The following SAMD12 variants were observed in gnomAD, a reference collection of about 807,000 sequenced individuals.
SAMD12 encodes the protein sterile alpha motif domain containing 12, also known as sterile alpha motif domain-containing protein 12.
SAMD12 carries 9 observed loss-of-function variants against 15.0 expected under a neutral mutation model. The ratio of observed to expected loss-of-function variants is 0.60; its 90% CI spans 0.36 to 1.05. SAMD12 has a LOEUF of 1.05. Among genes scored for constraint, SAMD12 ranks in the 50% least tolerant of loss-of-function variants. SAMD12 has a pLI of 0.01. For missense variants in SAMD12, 230 were observed against 234.2 expected, an observed-to-expected ratio of 0.98 and a Z score of 0.12; for synonymous variants, 86 against 90.1, an observed-to-expected ratio of 0.96 and a Z score of 0.25.
chr8:118,471,543 G>C (rs994797204), intron 2 of SAMD12, among the ~76,000 whole-genome samples: 1 of 152,080 alleles, frequency 6.6e-6, no homozygotes, highest in Non-Finnish European at 1.5e-5. Flanking sequence ...AAAGAAACTT[G>C]ACAAAAATCC....
intron 4 of SAMD12, among the ~76,000 whole-genome samples, chr8:118,276,934 A>C (rs1368503545): frequency 6.6e-6 from 1 of 152,120 alleles, no homozygotes; most frequent in East Asian, 1.9e-4. Flanking sequence ...CGGCCTCCCA[A>C]AGTGCTGAGA....
intron 4 of SAMD12, among the ~76,000 whole-genome samples, chr8:118,260,681 A>G (rs1813055735): frequency 6.6e-6 from 1 of 152,110 alleles, no homozygotes; most frequent in African/African-American, 2.4e-5. Flanking sequence ...AGAAGGCAGG[A>G]GAAGAGTGAC....
At chr8:118,609,020 A>C (rs552289662) in intron 1 of SAMD12, among the ~76,000 whole-genome samples, 19 of 152,364 alleles carry the variant, frequency 1.2e-4, no homozygotes, top group Middle Eastern at 3.4e-3. Context: ...TAAACTTCTA[A>C]ATAAAGATCC....
chr8:118,366,889 TA>T (rs564404306), intron 4 of SAMD12, among the ~76,000 whole-genome samples: 1 of 89,454 alleles, frequency 1.1e-5, no homozygotes, highest in Non-Finnish European at 2.4e-5. Flanking sequence ...AATAATAAAA[TA>T]AAATAAAATA....
chr8:118,584,574 G>T (rs1361476679), intron 1 of SAMD12, among the ~76,000 whole-genome samples: 1 of 152,096 alleles, frequency 6.6e-6, no homozygotes, highest in Non-Finnish European at 1.5e-5. Context: ...GTCTTTATGG[G>T]AAGTGCTGCT....
chr8:118,549,677 C>A (rs543179323), intron 2 of SAMD12, among the ~76,000 whole-genome samples: 1 of 152,108 alleles, frequency 6.6e-6, no homozygotes, highest in Non-Finnish European at 1.5e-5. Context: ...CAAAGCTGGA[C>A]GGAGAATGAC....
intron 2 of SAMD12, among the ~76,000 whole-genome samples, chr8:118,500,450 T>A (rs1389161713): frequency 1.3e-5 from 2 of 151,624 alleles, no homozygotes; most frequent in African/African-American, 4.8e-5. Context: ...ATTAGAACCA[T>A]GCCTAGGACA....
At chr8:118,360,622 T>C (rs756362976) in intron 4 of SAMD12, among the ~76,000 whole-genome samples, 3 of 152,102 alleles carry the variant, frequency 2.0e-5, no homozygotes, top group Non-Finnish European at 4.4e-5. Flanking sequence ...GTAATGTGTA[T>C]ACAAGGGACC....
At chr8:118,424,015 G>A (rs565212800) in intron 3 of SAMD12, among the ~76,000 whole-genome samples, 10 of 151,916 alleles carry the variant, frequency 6.6e-5, no homozygotes, top group Admixed American at 6.6e-4. Flanking sequence ...GGGAGTATTC[G>A]ATGCTAAGTA....
intron 2 of SAMD12, among the ~76,000 whole-genome samples, chr8:118,505,627 G>A (rs1036317860): frequency 6.6e-6 from 1 of 151,750 alleles, no homozygotes; most frequent in African/African-American, 2.4e-5. Flanking sequence ...AAGACAGAAG[G>A]AGCCTGTGAC....
At chr8:118,488,397 A>G (rs559365507) in intron 2 of SAMD12, among the ~76,000 whole-genome samples, 1 of 152,324 alleles carries the variant, frequency 6.6e-6, no homozygotes, top group South Asian at 2.1e-4. Flanking sequence ...GAAAACAGGA[A>G]GGTGCACTAA....
At chr8:118,214,198 A>G (rs1275533246) in intron 4 of SAMD12, among the ~76,000 whole-genome samples, 1 of 152,226 alleles carries the variant, frequency 6.6e-6, no homozygotes, top group Non-Finnish European at 1.5e-5. Flanking sequence ...GAAACAGAAT[A>G]TCGTGTCGAT....
chr8:118,419,712 G>C (rs1419480716), intron 3 of SAMD12, among the ~76,000 whole-genome samples: 1 of 152,096 alleles, frequency 6.6e-6, no homozygotes, highest in Non-Finnish European at 1.5e-5. Flanking sequence ...GATCATCACT[G>C]TGAATGTATT....
chr8:118,559,022 G>T (rs994261642), intron 2 of SAMD12, among the ~76,000 whole-genome samples: 4 of 152,082 alleles, frequency 2.6e-5, no homozygotes, highest in Non-Finnish European at 5.9e-5. Context: ...TTCAGGGGGA[G>T]AAAAAATGAG....
Position 118,500,945 on chromosome 8 carries a change from G to A in SAMD12, c.193-60984C>T, listed in dbSNP as rs117986422. ...CTCTAGTACATTACAGGGTGTAAGA[G>A]GACAGAGGATCTGGGTACTCACCTC... On this transcript the variant is annotated intron_variant, in intron 2 of 3. Coordinates refer to ENST00000314727, the MANE Select transcript of SAMD12 (RefSeq NM_207506.3). 7.9e-3 allele frequency among the ~76,000 whole-genome samples: 1,202 copies of A among 152,290 alleles called. 7 individuals carry two copies. The highest frequency in any genetic ancestry group is 0.01 in the Non-Finnish European group (692 of 68,012).
the SAMD12 span, among the ~76,000 whole-genome samples, chr8:118,154,144 G>GCA: frequency 1.8e-3 from 271 of 149,782 alleles, 1 homozygote; most frequent in African/African-American, 4.5e-3. Context: ...ACACACAAGT[G>GCA]CACACACACA....
intron 4 of SAMD12, among the ~76,000 whole-genome samples, chr8:118,284,041 C>G (rs981611831): frequency 1.3e-5 from 2 of 152,160 alleles, no homozygotes; most frequent in African/African-American, 4.8e-5. Context: ...TGAGTCATAG[C>G]TTTCACGACA....
chr8:118,457,392 A>T (rs1443445845), intron 2 of SAMD12, among the ~76,000 whole-genome samples: 2 of 149,784 alleles, frequency 1.3e-5, no homozygotes, highest in Admixed American at 6.6e-5. Context: ...CACAACACCC[A>T]GATTTTTTTT....
At chr8:118,195,912 C>G (rs1819545169) in exon 5 of SAMD12, 1 of 152,388 alleles carries the variant, frequency 6.6e-6, no homozygotes, top group Non-Finnish European at 1.5e-5. Context: ...GTGTTGGCAG[C>G]TGGAGTTTGG....
Sources: allele counts gnomAD v4.1 joint callset (sites outside exome capture counted in the v4.1 genomes callset), GRCh38; gene constraint gnomAD v4.1.1; transcripts MANE v1.5; gene names NCBI Gene and HGNC (gene_info 2026-07-23, HGNC 2026-07-21).